Variants in GNAI3 observed in about 807,000 individuals in gnomAD.
The protein encoded by GNAI3 is G protein subunit alpha i3.
Under a neutral mutation model 41.8 loss-of-function variants are expected in GNAI3, and 12 were observed. The ratio of observed to expected loss-of-function variants is 0.29; its 90% CI spans 0.18 to 0.47. GNAI3 has a LOEUF of 0.47. Among genes scored for constraint, GNAI3 ranks in the 20% least tolerant of loss-of-function variants. The pLI is 1.00. For synonymous variants in GNAI3, 132 were observed against 146.5 expected (o/e 0.90, Z 0.71); for missense variants, 360 against 429.6 (o/e 0.84, Z 1.43).
At chr1:109,566,741 T>C (rs1648465233) in intron 1 of GNAI3, among the ~76,000 whole-genome samples, 1 of 152,158 alleles carries the variant, frequency 6.6e-6, no homozygotes, top group Admixed American at 6.5e-5. Context: ...TTTTGTATTT[T>C]TAGTAGAGAT....
At chr1:109,588,726 C>T (rs1000125903) in intron 7 of GNAI3, among the ~76,000 whole-genome samples, 27 of 152,054 alleles carry the variant, frequency 1.8e-4, no homozygotes, top group Non-Finnish European at 3.4e-4. Flanking sequence ...AACCCTGTCT[C>T]TACTAAAAAT....
chr1:109,574,629 C>T (rs1317574250), intron 3 of GNAI3, among the ~76,000 whole-genome samples: 2 of 152,066 alleles, frequency 1.3e-5, no homozygotes, highest in Non-Finnish European at 2.9e-5. Flanking sequence ...TTAGTGGACC[C>T]TGAAGATCTA....
At chr1:109,574,799 G>T (rs77679935) in intron 3 of GNAI3, among the ~76,000 whole-genome samples, 3,745 of 152,258 alleles carry the variant, frequency 0.025, 186 homozygotes, top group African/African-American at 0.085. Context: ...CACTGGCTGT[G>T]TTCAGAGTGT....
chr1:109,586,899 G>A lies in GNAI3; in HGVS notation c.874+17G>A, dbSNP rs772486987. On this transcript the variant is annotated intron_variant, in intron 7 of 8. Transcript: ENST00000369851. ...AATACACAGGTAAGGGGTTATGAAA[G>A]ATTTTATTGGAGGTACACATCTTAC... 1 of 1,540,734 alleles carries A rather than the reference G, an allele frequency of 6.5e-7. No homozygotes were observed. The highest frequency in any genetic ancestry group is 1.7e-5 in the Admixed American group (1 of 58,058).
intron 1 of GNAI3, among the ~76,000 whole-genome samples, chr1:109,563,645 G>T (rs1648373003): frequency 6.6e-6 from 1 of 152,082 alleles, no homozygotes; most frequent in Non-Finnish European, 1.5e-5. Context: ...GGTTTATGAT[G>T]CTTGTAAAAT....
intron 3 of GNAI3, among the ~76,000 whole-genome samples, chr1:109,578,686 TCTC>T (rs1028374288): frequency 3.9e-5 from 6 of 152,138 alleles, no homozygotes; most frequent in African/African-American, 1.2e-4. Flanking sequence ...AGTGCCTCCA[TCTC>T]CTCTTCTTGT....
chr1:109,588,745 T>C (rs1649096467), intron 7 of GNAI3, among the ~76,000 whole-genome samples: 1 of 151,808 alleles, frequency 6.6e-6, no homozygotes, highest in African/African-American at 2.4e-5. Context: ...ATAGAAAAAT[T>C]AGCTGGGCAT....
intron 3 of GNAI3, among the ~76,000 whole-genome samples, chr1:109,576,102 C>G (rs897807355): frequency 6.6e-6 from 1 of 152,102 alleles, no homozygotes; most frequent in Non-Finnish European, 1.5e-5. Context: ...GAGTTTTGCT[C>G]TTGTCACCCA....
In GNAI3 at chr1:109,592,074, T is replaced by C; in HGVS notation, c.906T>C (p.Tyr302=). ...ATACATATGAAGAGGCAGCTGCCTA[T>C]ATTCAATGCCAGTTTGAAGATCTGA... is the stretch of plus-strand genomic sequence containing the variant. ...GSNTYEEAAA[Y]IQCQFEDLNR... is the part of the protein sequence containing the mutation. Residue 302 remains tyrosine, a synonymous_variant, in exon 8 of 9, where the codon TAT becomes TAC. Coordinates refer to ENST00000369851, the MANE Select transcript of GNAI3 (RefSeq NM_006496.4). 2 of 1,612,716 alleles carry C rather than the reference T, an allele frequency of 1.2e-6. No homozygotes were observed. Among genetic ancestry groups the C allele is most frequent in the East Asian group, 4.5e-5 (2 of 44,864 alleles).
chr1:109,586,426 C>G, intron 6 of GNAI3, 81 bp downstream of exon 6: 1 of 1,356,038 alleles, frequency 7.4e-7, no homozygotes, highest in Non-Finnish European at 1.0e-6. Context: ...TTATCTGCAT[C>G]CATTTCCTCA....
chr1:109,591,661 C>G, intron 7 of GNAI3: 1 of 412,378 alleles, frequency 2.4e-6, no homozygotes. Flanking sequence ...AATTTTTATT[C>G]CAAGATCACT....
chr1:109,587,353 TAA>T (rs780240768), intron 7 of GNAI3, among the ~76,000 whole-genome samples: 1 of 152,220 alleles, frequency 6.6e-6, no homozygotes. Context: ...CAGAGAGACA[TAA>T]ATAATTTTAT....
At chr1:109,564,615 A>C (rs918146425) in intron 1 of GNAI3, among the ~76,000 whole-genome samples, 2 of 152,134 alleles carry the variant, frequency 1.3e-5, no homozygotes. Flanking sequence ...CAGATAATCC[A>C]GTTGGTCCTG....
Position 109,582,471 on chromosome 1 carries a change from A to G in GNAI3, c.496A>G (p.Asn166Asp), listed in dbSNP as rs1648920324. Residue 166 changes from asparagine to aspartate, a missense_variant, in exon 5 of 9, where the codon AAC (asparagine) becomes GAC (aspartate). By Grantham distance (23) the Asn-to-Asp change is conservative (BLOSUM62 1). Transcript: ENST00000369851. ...LNDLDRISQS[N>D]YIPTQQDVLR... ...TGATCTGGATAGAATATCCCAGTCT[A>G]ACTACATTCCAACTCAGCAAGATGT... is the stretch of plus-strand genomic sequence containing the variant. The G allele has an allele frequency of 1.9e-6, 3 of 1,600,532 alleles. No homozygotes were observed. The highest frequency in any genetic ancestry group is 1.1e-5 in the South Asian group (1 of 90,804).
intron 1 of GNAI3, among the ~76,000 whole-genome samples, chr1:109,562,801 A>G (rs1288777268): frequency 6.6e-6 from 1 of 152,186 alleles, no homozygotes. Flanking sequence ...TGATTTCAAC[A>G]TTTTAAATCC....
chr1:109,575,864 A>C (rs1441146720), intron 3 of GNAI3, among the ~76,000 whole-genome samples: 1 of 151,916 alleles, frequency 6.6e-6, no homozygotes, highest in Admixed American at 6.6e-5. Context: ...ATTGTCATTA[A>C]TCTTTGTATC....
intron 7 of GNAI3, among the ~76,000 whole-genome samples, chr1:109,588,907 A>ATCAG (rs1472892868): frequency 6.6e-6 from 1 of 152,234 alleles, no homozygotes; most frequent in African/African-American, 2.4e-5. Context: ...CAATCAATCA[A>ATCAG]TCAATCAATA....
intron 1 of GNAI3, among the ~76,000 whole-genome samples, chr1:109,568,283 C>A (rs1648510453): frequency 6.6e-6 from 1 of 152,014 alleles, no homozygotes; most frequent in Non-Finnish European, 1.5e-5. Flanking sequence ...CCCTGTAATA[C>A]CAGCACTTTG....
intron 7 of GNAI3, among the ~76,000 whole-genome samples, chr1:109,588,886 CATCAATCAATCA>C (rs145424289): frequency 1.3e-5 from 2 of 151,438 alleles, no homozygotes; most frequent in Admixed American, 6.6e-5. Flanking sequence ...AGTGAGACTC[CATCAATCAATCA>C]ATCAATCAAT....
Sources: allele counts gnomAD v4.1 joint callset (sites outside exome capture counted in the v4.1 genomes callset), GRCh38; gene constraint gnomAD v4.1.1; transcripts MANE v1.5; gene names NCBI Gene and HGNC (gene_info 2026-07-23, HGNC 2026-07-21).